Variants in GSE1 observed in about 807,000 individuals in gnomAD.
GSE1 encodes genetic suppressor element 1.
In GSE1, 32 loss-of-function variants were observed where a neutral mutation model predicts 112.6. The ratio of observed to expected loss-of-function variants is 0.28; its 90% confidence interval spans 0.21 to 0.38. The LOEUF (loss-of-function observed/expected upper bound fraction) is 0.38, where lower values mean the gene tolerates loss of function less well. GSE1 is among the 10% of genes least tolerant of loss of function. GSE1 has a pLI of 1.00. For synonymous variants in GSE1, 1,115 were observed against 735.6 expected (o/e 1.52, Z -8.35); for missense variants, 2,348 against 1,699.2 (o/e 1.38, Z -6.71).
chr16:85,382,252 G>A (rs1384996235), intron 2 of GSE1, among the ~76,000 whole-genome samples: 3 of 152,170 alleles, frequency 2.0e-5, no homozygotes, highest in Admixed American at 6.5e-5. Flanking sequence ...TCTCCAGCCC[G>A]CCCTTATCTC....
At chr16:85,390,543 C>A (rs1477120415) in intron 2 of GSE1, among the ~76,000 whole-genome samples, 1 of 152,174 alleles carries the variant, frequency 6.6e-6, no homozygotes, top group Non-Finnish European at 1.5e-5. Flanking sequence ...CATTTCAGAA[C>A]AATAAAGGTG....
chr16:85,611,074 C>G (rs768991883), upstream of GSE1, among the ~76,000 whole-genome samples: 2 of 152,238 alleles, frequency 1.3e-5, no homozygotes, highest in Non-Finnish European at 2.9e-5. Flanking sequence ...GCACCGTGTC[C>G]GGGTGAGAGA....
intron 2 of GSE1, among the ~76,000 whole-genome samples, chr16:85,382,390 C>T (rs1487046023): frequency 1.3e-5 from 2 of 152,244 alleles, no homozygotes; most frequent in Non-Finnish European, 2.9e-5. Flanking sequence ...TCCATAGGCC[C>T]TGGACGAGGG....
intron 2 of GSE1, among the ~76,000 whole-genome samples, chr16:85,425,543 C>T (rs201136030): frequency 1.3e-5 from 2 of 152,148 alleles, no homozygotes; most frequent in East Asian, 1.9e-4. Context: ...GGATTTGGAG[C>T]GGAGCCACAC....
chr16:85,192,611 C>G (rs572650232), intron 1 of GSE1, among the ~76,000 whole-genome samples: 14 of 152,312 alleles, frequency 9.2e-5, no homozygotes, highest in Middle Eastern at 6.8e-3. Flanking sequence ...TCCCCCTCAC[C>G]CTTTTGTTCT....
At chr16:85,649,764 A>G (rs1455989661) in intron 3 of GSE1, among the ~76,000 whole-genome samples, 1 of 152,098 alleles carries the variant, frequency 6.6e-6, no homozygotes, top group Non-Finnish European at 1.5e-5. Context: ...TACTAATTAA[A>G]CCACAAAGAA....
chr16:85,509,727 C>T (rs1023782748), intron 2 of GSE1, among the ~76,000 whole-genome samples: 4 of 152,172 alleles, frequency 2.6e-5, no homozygotes, highest in Admixed American at 6.5e-5. Flanking sequence ...CGGCACACCT[C>T]GGCTGCCTGC....
At chr16:85,570,761 A>C (rs1341954641) in intron 1 of GSE1, among the ~76,000 whole-genome samples, 1 of 152,232 alleles carries the variant, frequency 6.6e-6, no homozygotes, top group East Asian at 1.9e-4. Context: ...TGTTGGTGCC[A>C]GGCCCTGGAG....
At chr16:85,591,535 T>TG (rs1267779679) in intron 1 of GSE1, among the ~76,000 whole-genome samples, 5 of 152,196 alleles carry the variant, frequency 3.3e-5, no homozygotes, top group African/African-American at 9.6e-5. Context: ...TCAGCGGTGC[T>TG]GGGGAGGGGT....
intron 2 of GSE1, among the ~76,000 whole-genome samples, chr16:85,412,951 G>C (rs2048614610): frequency 6.6e-6 from 1 of 152,210 alleles, no homozygotes; most frequent in African/African-American, 2.4e-5. Flanking sequence ...ATGTGTCCGT[G>C]AAGCCATCGG....
In GSE1 at chr16:85,613,334, C is replaced by T; in HGVS notation, c.-58C>T. ...GGGTGAGATAAGCAGTTTAGACAAACACTGGGCGACGGTGGCTCCAGCATG... is the reference window on the plus strand; with the variant it reads ...GGGTGAGATAAGCAGTTTAGACAAATACTGGGCGACGGTGGCTCCAGCATG... On this transcript the variant is annotated 5_prime_UTR_variant, in exon 1 of 16. Coordinates refer to ENST00000253458, the MANE Select transcript of GSE1 (RefSeq NM_014615.5). The T allele has an allele frequency of 2.6e-6, 4 of 1,557,456 alleles. No individual in the cohort carries two copies. Among genetic ancestry groups the T allele is most frequent in the Middle Eastern group, 1.7e-4 (1 of 5,990 alleles).
At chr16:85,193,241 C>T (rs1249274854) in intron 1 of GSE1, among the ~76,000 whole-genome samples, 3 of 152,194 alleles carry the variant, frequency 2.0e-5, no homozygotes, top group South Asian at 2.1e-4. Flanking sequence ...ATTGAACACT[C>T]GTGACGTGGA....
chr16:85,294,940 G>A (rs757143915), intron 1 of GSE1, among the ~76,000 whole-genome samples: 2 of 151,308 alleles, frequency 1.3e-5, no homozygotes, highest in African/African-American at 2.4e-5. Flanking sequence ...TTGCAGAGAC[G>A]GGGTCTCACT....
chr16:85,566,314 C>T (rs2045744445), intron 1 of GSE1, among the ~76,000 whole-genome samples: 1 of 152,224 alleles, frequency 6.6e-6, no homozygotes, highest in African/African-American at 2.4e-5. Flanking sequence ...AGCCCAGACT[C>T]CTGAAATGGC....
At chr16:85,651,130 G>A (rs998343827) in intron 3 of GSE1, among the ~76,000 whole-genome samples, 6 of 137,274 alleles carry the variant, frequency 4.4e-5, no homozygotes, top group South Asian at 2.4e-4. Context: ...GGCTGCAGCC[G>A]CTGCTCAGAA....
At chr16:85,548,244 AAAGAAAGAAAG>A (rs1360430835) in intron 2 of GSE1, among the ~76,000 whole-genome samples, 79 of 75,608 alleles carry the variant, frequency 1.0e-3, no homozygotes, top group African/African-American at 3.3e-3. Flanking sequence ...AAAAAAAAAA[AAAGAAAGAAAG>A]AAAGAAAGAA....
chr16:85,180,651 C>G (rs565533129), intron 1 of GSE1, among the ~76,000 whole-genome samples: 1 of 152,192 alleles, frequency 6.6e-6, no homozygotes, highest in Non-Finnish European at 1.5e-5. Context: ...GGTTAAGTCA[C>G]TTGCCCAAAG....
rs140328157 is a variant in GSE1 at position 85,311,912 on chromosome 16, G to A, written c.2284-45551G>A. Among the ~76,000 whole-genome samples the A allele has an allele frequency of 5.3e-5, 8 of 152,254 alleles. No individual in the cohort carries two copies. Among genetic ancestry groups the A allele is most frequent in the African/African-American group, 1.9e-4 (8 of 41,558 alleles). The stretch of plus-strand genomic sequence containing the variant: ...GGTTGTGAAGTCCCTGCCTTCCCGG[G>A]TTCCCTCCGCCGGCCCAGCACTGCC... On this transcript the variant is annotated intron_variant, in intron 1 of 2. Transcript: ENST00000637419. The surrounding 1 kb of genome is among the most constrained non-coding windows in gnomAD (Gnocchi z 4.2).
chr16:85,658,139 T>A (rs1420706359), intron 8 of GSE1, among the ~76,000 whole-genome samples: 2 of 152,360 alleles, frequency 1.3e-5, no homozygotes, highest in Middle Eastern at 3.4e-3. Flanking sequence ...GGACCCCGGC[T>A]GCAGACACAG....
Sources: allele counts gnomAD v4.1 joint callset (sites outside exome capture counted in the v4.1 genomes callset), GRCh38; gene constraint gnomAD v4.1.1; non-coding constraint Gnocchi (gnomAD v3.1); transcripts MANE v1.5; gene names NCBI Gene and HGNC (gene_info 2026-07-23, HGNC 2026-07-21).